The following SORCS3 variants were observed in gnomAD, a reference collection of about 807,000 sequenced individuals.
SORCS3 encodes the protein VPS10 domain-containing receptor SorCS3.
In SORCS3, 57 loss-of-function variants were observed where a neutral mutation model predicts 146.3. That is an observed-to-expected ratio of 0.39 (90% CI 0.31 to 0.49). The LOEUF is 0.49. SORCS3 is among the 20% of genes least tolerant of loss of function. The pLI is 0.92. For synonymous variants in SORCS3, 653 were observed against 618.5 expected (o/e 1.06, Z -0.83); for missense variants, 1,341 against 1,575.5 (o/e 0.85, Z 2.52).
At chr10:104,658,033 C>T (rs1235015572) in intron 1 of SORCS3, among the ~76,000 whole-genome samples, 1 of 152,184 alleles carries the variant, frequency 6.6e-6, no homozygotes, top group Non-Finnish European at 1.5e-5. Flanking sequence ...ACTATGCCTA[C>T]AGGAACATAA....
chr10:104,645,428 A>G (rs1296886057), intron 1 of SORCS3, among the ~76,000 whole-genome samples: 1 of 152,142 alleles, frequency 6.6e-6, no homozygotes, highest in African/African-American at 2.4e-5. Context: ...GGCACAGTCC[A>G]CTTCTCCACA....
intron 7 of SORCS3, among the ~76,000 whole-genome samples, chr10:105,115,159 A>G (rs1196506804): frequency 1.3e-5 from 2 of 152,176 alleles, no homozygotes; most frequent in African/African-American, 2.4e-5. Context: ...GGTTGTAATC[A>G]GGAATCTGCC....
chr10:105,227,514 A>G (rs185972465), intron 20 of SORCS3, among the ~76,000 whole-genome samples: 55 of 152,308 alleles, frequency 3.6e-4, no homozygotes, highest in African/African-American at 1.3e-3. Context: ...AAGAATGTAT[A>G]TTCTCTAGCT....
intron 4 of SORCS3, among the ~76,000 whole-genome samples, chr10:105,041,029 A>T (rs2055334481): frequency 1.4e-5 from 2 of 147,288 alleles, no homozygotes. Context: ...TTCATTTTAT[A>T]TACATTTTTA....
intron 4 of SORCS3, among the ~76,000 whole-genome samples, chr10:105,000,760 A>G (rs879740966): frequency 2.0e-5 from 3 of 152,174 alleles, no homozygotes; most frequent in Non-Finnish European, 4.4e-5. Flanking sequence ...ATTGGAGGGC[A>G]CCATATCATG....
At chr10:105,126,517 G>T (rs945305220) in intron 7 of SORCS3, among the ~76,000 whole-genome samples, 5 of 152,162 alleles carry the variant, frequency 3.3e-5, no homozygotes, top group Admixed American at 6.5e-5. Flanking sequence ...CTACTCTTAA[G>T]GCAGTGGGAG....
At chr10:104,740,950 C>G (rs542975455) in intron 1 of SORCS3, among the ~76,000 whole-genome samples, 1 of 151,704 alleles carries the variant, frequency 6.6e-6, no homozygotes, top group East Asian at 1.9e-4. Context: ...GGCCTTTCCT[C>G]TCCCTTTTAT....
intron 4 of SORCS3, among the ~76,000 whole-genome samples, chr10:104,995,163 TC>T (rs1185373383): frequency 1.8e-3 from 225 of 125,454 alleles, no homozygotes; most frequent in African/African-American, 7.0e-3. Flanking sequence ...TCTTTCTTTC[TC>T]TTTTTTTTTT....
intron 16 of SORCS3, among the ~76,000 whole-genome samples, chr10:105,202,208 A>T (rs562087163): frequency 6.6e-6 from 1 of 152,074 alleles, no homozygotes; most frequent in African/African-American, 2.4e-5. Flanking sequence ...CACTTAGAAT[A>T]CTCCAATATC....
At chr10:104,838,221 C>A (rs1397843096) in intron 1 of SORCS3, among the ~76,000 whole-genome samples, 1 of 152,128 alleles carries the variant, frequency 6.6e-6, no homozygotes, top group Admixed American at 6.6e-5. Flanking sequence ...TCCGGAACTA[C>A]CCCCTCCACC....
chr10:104,667,625 G>A (rs1357185136), intron 1 of SORCS3, among the ~76,000 whole-genome samples: 2 of 152,098 alleles, frequency 1.3e-5, no homozygotes, highest in Non-Finnish European at 1.5e-5. Context: ...CTTAACAAAC[G>A]CTGGCTGATA....
At chr10:104,855,679 C>T (rs898602702) in intron 2 of SORCS3, among the ~76,000 whole-genome samples, 1 of 151,906 alleles carries the variant, frequency 6.6e-6, no homozygotes, top group Non-Finnish European at 1.5e-5. Flanking sequence ...CATTATTTCC[C>T]CAAGACCTTG....
chr10:104,882,188 G>C (rs1040895661), intron 2 of SORCS3, among the ~76,000 whole-genome samples: 3 of 152,158 alleles, frequency 2.0e-5, no homozygotes, highest in African/African-American at 7.2e-5. Context: ...AGATCCACCT[G>C]ATTCACCTGA....
At chr10:105,043,193 G>T in intron 5 of SORCS3, 65 bp downstream of exon 5, 2 of 1,364,088 alleles carry the variant, frequency 1.5e-6, no homozygotes, top group Non-Finnish European at 1.0e-6. Context: ...TAGCACTCTA[G>T]ACAGCTCTGG....
chr10:105,143,737 G>C (rs1235659609), intron 8 of SORCS3, among the ~76,000 whole-genome samples: 2 of 152,088 alleles, frequency 1.3e-5, no homozygotes, highest in African/African-American at 4.8e-5. Flanking sequence ...ATTGTAATGA[G>C]TGCTATAAAG....
intron 18 of SORCS3, among the ~76,000 whole-genome samples, chr10:105,216,026 C>T (rs1219689719): frequency 1.3e-5 from 2 of 152,014 alleles, no homozygotes; most frequent in African/African-American, 4.8e-5. Context: ...AGCATAGACC[C>T]TTAAGAAGCT....
intron 1 of SORCS3, among the ~76,000 whole-genome samples, chr10:104,777,291 C>T (rs1451545181): frequency 6.6e-6 from 1 of 152,180 alleles, no homozygotes; most frequent in Non-Finnish European, 1.5e-5. Flanking sequence ...CTGACAAGTG[C>T]ATGAGTGAAT....
At chr10:105,046,419 A>C (rs968417220) in intron 5 of SORCS3, among the ~76,000 whole-genome samples, 2 of 152,056 alleles carry the variant, frequency 1.3e-5, no homozygotes, top group Non-Finnish European at 1.5e-5. Context: ...GGCAAGTAGC[A>C]GCTTAGAGGG....
chr10:104,952,672 A>G (rs1409755392), intron 3 of SORCS3, among the ~76,000 whole-genome samples: 1 of 152,108 alleles, frequency 6.6e-6, no homozygotes, highest in Non-Finnish European at 1.5e-5. Context: ...ATAAAAGTCC[A>G]CTTTTCCTTT....
Sources: allele counts gnomAD v4.1 joint callset (sites outside exome capture counted in the v4.1 genomes callset), GRCh38; gene constraint gnomAD v4.1.1; transcripts MANE v1.5; gene names NCBI Gene and HGNC (gene_info 2026-07-23, HGNC 2026-07-21).